The following TOP6BL variants were observed in gnomAD, a reference collection of about 807,000 sequenced individuals.
The protein encoded by TOP6BL is TOP6B like initiator of meiotic double strand breaks, also known as type 2 DNA topoisomerase 6 subunit B-like.
chr11:66,811,862 G>A, the TOP6BL span, among the ~76,000 whole-genome samples: 1 of 152,170 alleles, frequency 6.6e-6, no homozygotes, highest in African/African-American at 2.4e-5. Context: ...AGGCTCGCTT[G>A]AGCACAGGAA....
the TOP6BL span, among the ~76,000 whole-genome samples, chr11:66,782,111 A>G: frequency 6.6e-6 from 1 of 152,022 alleles, no homozygotes; most frequent in East Asian, 1.9e-4. Flanking sequence ...TCCAAACTCT[A>G]TCTCCTCTGT....
chr11:66,776,146 C>T, the TOP6BL span, among the ~76,000 whole-genome samples: 1 of 151,906 alleles, frequency 6.6e-6, no homozygotes, highest in African/African-American at 2.4e-5. Flanking sequence ...GCAACCTCCA[C>T]CTCCCGGGTT....
the TOP6BL span, among the ~76,000 whole-genome samples, chr11:66,785,332 T>G: frequency 6.6e-6 from 1 of 152,154 alleles, no homozygotes; most frequent in African/African-American, 2.4e-5. Context: ...CATGGCTTCT[T>G]TTTCTTTTTA....
At chr11:66,769,595 T>G in the TOP6BL span, among the ~76,000 whole-genome samples, 1 of 151,874 alleles carries the variant, frequency 6.6e-6, no homozygotes, top group Non-Finnish European at 1.5e-5. Flanking sequence ...ATAGCAAAAT[T>G]CATATGGTAA....
chr11:66,797,351 G>A, the TOP6BL span, among the ~76,000 whole-genome samples: 2 of 152,032 alleles, frequency 1.3e-5, no homozygotes, highest in Admixed American at 1.3e-4. Context: ...TCTGGATAGA[G>A]AGAGCTTTGT....
chr11:66,843,140 C>T, the TOP6BL span: 11 of 1,609,038 alleles, frequency 6.8e-6, no homozygotes, highest in Non-Finnish European at 7.6e-6. Flanking sequence ...GCTGAGAGGT[C>T]CTCACCCCGG....
chr11:66,748,463 A>G, the TOP6BL span: 1 of 1,549,282 alleles, frequency 6.5e-7, no homozygotes, highest in Non-Finnish European at 8.7e-7. Context: ...AGTGATTTCC[A>G]TAGAAGGATT....
the TOP6BL span, among the ~76,000 whole-genome samples, chr11:66,768,474 C>G: frequency 6.6e-6 from 1 of 152,010 alleles, no homozygotes; most frequent in African/African-American, 2.4e-5. Flanking sequence ...GACTTAGCCT[C>G]ATATACTAAG....
the TOP6BL span, among the ~76,000 whole-genome samples, chr11:66,791,462 T>C: frequency 1.3e-5 from 2 of 152,110 alleles, no homozygotes; most frequent in African/African-American, 4.8e-5. Flanking sequence ...CACAAACATA[T>C]CTATATATTT....
the TOP6BL span, among the ~76,000 whole-genome samples, chr11:66,805,243 A>T: frequency 6.6e-6 from 1 of 152,128 alleles, no homozygotes; most frequent in South Asian, 2.1e-4. Context: ...CAGAAAAAAT[A>T]AAAATAAAAT....
At chr11:66,817,796 C>T in the TOP6BL span, among the ~76,000 whole-genome samples, 1 of 152,032 alleles carries the variant, frequency 6.6e-6, no homozygotes, top group Admixed American at 6.6e-5. Flanking sequence ...ATCCTCCCAC[C>T]TCGGCCTCCC....
At chr11:66,769,073 T>C in the TOP6BL span, among the ~76,000 whole-genome samples, 1 of 152,180 alleles carries the variant, frequency 6.6e-6, no homozygotes, top group African/African-American at 2.4e-5. Flanking sequence ...TCTTTCATCT[T>C]CTCAGCTGGG....
At chr11:66,838,524 T>A in the TOP6BL span, 1 of 1,317,720 alleles carries the variant, frequency 7.6e-7, no homozygotes, top group Non-Finnish European at 1.1e-6. Flanking sequence ...TTCAAACTAT[T>A]CCACTGTACC....
chr11:66,773,635 G>C, the TOP6BL span, among the ~76,000 whole-genome samples: 1 of 152,020 alleles, frequency 6.6e-6, no homozygotes, highest in Non-Finnish European at 1.5e-5. Context: ...TTGCTCGTTT[G>C]GGGTCTTACT....
At chr11:66,784,132 GCC>G in the TOP6BL span, among the ~76,000 whole-genome samples, 1 of 152,114 alleles carries the variant, frequency 6.6e-6, no homozygotes, top group Non-Finnish European at 1.5e-5. Context: ...CTGGGTTCAT[GCC>G]ATTCTCCTGC....
At chr11:66,836,700 AT>A in the TOP6BL span, among the ~76,000 whole-genome samples, 37 of 107,638 alleles carry the variant, frequency 3.4e-4, no homozygotes, top group African/African-American at 6.8e-4. Flanking sequence ...AGAAAATATG[AT>A]TTTTTTTTTT....
the TOP6BL span, among the ~76,000 whole-genome samples, chr11:66,825,710 T>C: frequency 6.6e-6 from 1 of 152,212 alleles, no homozygotes; most frequent in African/African-American, 2.4e-5. Context: ...GCAGCCCGAA[T>C]GGACTAAGAC....
At chr11:66,749,945 C>T in the TOP6BL span, among the ~76,000 whole-genome samples, 1 of 152,050 alleles carries the variant, frequency 6.6e-6, no homozygotes, top group Non-Finnish European at 1.5e-5. Context: ...ATTACAGAAA[C>T]ATATATTGTG....
the TOP6BL span, chr11:66,816,219 G>A: frequency 6.3e-7 from 1 of 1,598,670 alleles, no homozygotes; most frequent in Admixed American, 1.7e-5. Context: ...AGAGAATGGG[G>A]TTGCCAGCTG....
Sources: gnomAD v4.1 joint callset for allele counts (sites outside exome capture counted in the v4.1 genomes callset) on GRCh38, gnomAD v4.1.1 for gene constraint, MANE v1.5 for transcripts, NCBI Gene and HGNC (gene_info 2026-07-23, HGNC 2026-07-21) for gene names.